Variants in SORCS3 observed in about 807,000 individuals in gnomAD.
SORCS3 encodes sortilin related VPS10 domain containing receptor 3.
A neutral mutation model predicts 146.3 loss-of-function variants in SORCS3; 57 were observed. The ratio of observed to expected loss-of-function variants is 0.39; its 90% CI spans 0.31 to 0.49. The LOEUF (loss-of-function observed/expected upper bound fraction) is 0.49. SORCS3 is among the 20% of genes least tolerant of loss of function. The pLI, the probability that SORCS3 is intolerant of heterozygous loss-of-function variation, is 0.92. For missense variants in SORCS3, 1,341 were observed against 1,575.5 expected (o/e 0.85, Z 2.52); for synonymous variants, 653 against 618.5 (o/e 1.06, Z -0.83).
At chr10:104,824,380 G>A (rs1252311276) in intron 1 of SORCS3, among the ~76,000 whole-genome samples, 1 of 152,194 alleles carries the variant, frequency 6.6e-6, no homozygotes, top group Non-Finnish European at 1.5e-5. Flanking sequence ...GTATAAGCAT[G>A]TATCTCCCTT....
intron 5 of SORCS3, among the ~76,000 whole-genome samples, chr10:105,078,326 A>G (rs1002675575): frequency 8.5e-5 from 13 of 152,122 alleles, no homozygotes; most frequent in African/African-American, 2.9e-4. Context: ...CTAGAAGAAA[A>G]TGCAATTTAG....
At chr10:105,188,424 C>T (rs762323074) in intron 14 of SORCS3, among the ~76,000 whole-genome samples, 22 of 152,072 alleles carry the variant, frequency 1.4e-4, no homozygotes, top group Non-Finnish European at 3.1e-4. Context: ...TCTTACTCTC[C>T]CTTTGAGGTT....
intron 3 of SORCS3, among the ~76,000 whole-genome samples, chr10:104,962,452 TG>T (rs941766473): frequency 2.0e-5 from 3 of 152,034 alleles, no homozygotes. Flanking sequence ...ATCCATTCAG[TG>T]TATGGTGTGT....
chr10:105,085,634 A>G (rs1422433425), intron 5 of SORCS3, among the ~76,000 whole-genome samples: 2 of 152,252 alleles, frequency 1.3e-5, no homozygotes, highest in Admixed American at 6.5e-5. Context: ...GCAAATAAAT[A>G]TACACACACC....
intron 20 of SORCS3, among the ~76,000 whole-genome samples, chr10:105,229,125 G>C (rs929755460): frequency 3.3e-5 from 5 of 151,768 alleles, no homozygotes; most frequent in African/African-American, 1.2e-4. Flanking sequence ...TCTTCTGCTT[G>C]ATTTAGTCTA....
intron 16 of SORCS3, among the ~76,000 whole-genome samples, chr10:105,202,579 G>A (rs1589686400): frequency 6.6e-6 from 1 of 152,222 alleles, no homozygotes; most frequent in East Asian, 1.9e-4. Flanking sequence ...CGTACAAAAT[G>A]AACATGTTTT....
At chr10:104,991,251 A>G (rs2054992112) in intron 4 of SORCS3, among the ~76,000 whole-genome samples, 1 of 152,172 alleles carries the variant, frequency 6.6e-6, no homozygotes, top group African/African-American at 2.4e-5. Context: ...AAAGTACCAC[A>G]GACTGAGTGG....
intron 5 of SORCS3, among the ~76,000 whole-genome samples, chr10:105,082,317 C>A (rs560887751): frequency 4.6e-5 from 7 of 152,172 alleles, no homozygotes; most frequent in African/African-American, 1.7e-4. Context: ...AAAACACTAC[C>A]ATTACTAGTT....
chr10:104,774,364 G>A (rs1420071272), intron 1 of SORCS3, among the ~76,000 whole-genome samples: 1 of 152,176 alleles, frequency 6.6e-6, no homozygotes, highest in Non-Finnish European at 1.5e-5. Context: ...ATGCCTCAGA[G>A]GTATTCAGCT....
chr10:104,863,037 C>T (rs1188650671), intron 2 of SORCS3, among the ~76,000 whole-genome samples: 1 of 152,138 alleles, frequency 6.6e-6, no homozygotes, highest in East Asian at 1.9e-4. Context: ...TCAAATCCTC[C>T]CCAAGTAGGT....
intron 6 of SORCS3, among the ~76,000 whole-genome samples, chr10:105,095,946 A>G (rs186423213): frequency 1.1e-3 from 172 of 152,306 alleles, no homozygotes; most frequent in African/African-American, 4.0e-3. Flanking sequence ...TCCCAGAGTA[A>G]GATGGGGATA....
At chr10:104,739,598 T>G (rs2016817154) in intron 1 of SORCS3, among the ~76,000 whole-genome samples, 1 of 152,206 alleles carries the variant, frequency 6.6e-6, no homozygotes, top group African/African-American at 2.4e-5. Flanking sequence ...TTCTTCACAG[T>G]AGTCCCTGCA....
intron 1 of SORCS3, among the ~76,000 whole-genome samples, chr10:104,841,452 C>A (rs59014093): frequency 0.1 from 15,900 of 152,214 alleles, 978 homozygotes; most frequent in South Asian, 0.24. Context: ...TCTTGCCAAC[C>A]TGCCATTCCT....
intron 1 of SORCS3, among the ~76,000 whole-genome samples, chr10:104,690,844 C>T (rs1241211256): frequency 7.2e-5 from 11 of 152,128 alleles, no homozygotes; most frequent in Non-Finnish European, 1.6e-4. Flanking sequence ...TAACTCAATG[C>T]TTCCTTTATG....
chr10:104,887,460 A>G (rs1196195207), intron 2 of SORCS3, among the ~76,000 whole-genome samples: 1 of 152,200 alleles, frequency 6.6e-6, no homozygotes, highest in Non-Finnish European at 1.5e-5. Flanking sequence ...AGTTACTGAT[A>G]TGGAGGAAAG....
At chr10:105,186,394 T>C (rs554734928) in intron 14 of SORCS3, among the ~76,000 whole-genome samples, 2 of 152,296 alleles carry the variant, frequency 1.3e-5, no homozygotes, top group African/African-American at 4.8e-5. Flanking sequence ...TCAGCAAATA[T>C]ATGGTGAGTA....
At chr10:105,236,238 C>T (rs947974589) in intron 20 of SORCS3, among the ~76,000 whole-genome samples, 1 of 152,094 alleles carries the variant, frequency 6.6e-6, no homozygotes, top group Non-Finnish European at 1.5e-5. Flanking sequence ...CAAATTCAAA[C>T]ACTTGGTTAG....
chr10:104,996,388 A>G (rs1256344950), intron 4 of SORCS3, among the ~76,000 whole-genome samples: 1 of 152,144 alleles, frequency 6.6e-6, no homozygotes, highest in African/African-American at 2.4e-5. Context: ...GTGATGTTTT[A>G]TACTTTTTAG....
At chr10:104,938,020 T>C (rs1268172648) in intron 3 of SORCS3, among the ~76,000 whole-genome samples, 2 of 152,194 alleles carry the variant, frequency 1.3e-5, no homozygotes, top group African/African-American at 4.8e-5. Flanking sequence ...GACTCTGGTA[T>C]TACCCTTTGA....
Sources: allele counts gnomAD v4.1 joint callset (sites outside exome capture counted in the v4.1 genomes callset), GRCh38; gene constraint gnomAD v4.1.1; transcripts MANE v1.5; gene names NCBI Gene and HGNC (gene_info 2026-07-23, HGNC 2026-07-21).